RAP1A: variants seen among roughly 807,000 people sequenced by gnomAD.
The protein encoded by RAP1A is RAP1A, member of RAS oncogene family.
A neutral mutation model predicts 26.4 loss-of-function variants in RAP1A; 6 were observed. The observed-to-expected ratio is 0.23, with a 90% CI of 0.12 to 0.45. The LOEUF is 0.45. Ranked by LOEUF, RAP1A falls within the 20% of genes least tolerant of loss-of-function variation. The probability of loss-of-function intolerance (pLI) is 0.99; values close to 1 mark genes in which losing one functional copy is unlikely to be tolerated. For missense variants in RAP1A, 121 were observed against 217.2 expected, an observed-to-expected ratio of 0.56 and a Z score of 2.78; for synonymous variants, 73 against 79.4, an observed-to-expected ratio of 0.92 and a Z score of 0.43.
rs572395096 is a variant in RAP1A at position 111,612,242 on chromosome 1, C to T, written c.-28+69733C>T. Among the ~76,000 whole-genome samples, 88 of 152,188 alleles carry T rather than the reference C, an allele frequency of 5.8e-4. 2 individuals carry two copies. Among genetic ancestry groups the T allele is most frequent in the Non-Finnish European group, 1.0e-4 (7 of 68,046 alleles). ...ACTGGGCTCTCTCTCCAGTGGCCAG[C>T]TGTGTCTTGCCTGGTGCTCATCATT... is the stretch of plus-strand genomic sequence containing the variant. On this transcript the variant is annotated intron_variant, in intron 1 of 7. Coordinates refer to the RAP1A transcript ENST00000356415.
chr1:111,709,630 G>A (rs745568781), intron 7 of RAP1A, among the ~76,000 whole-genome samples: 7 of 152,012 alleles, frequency 4.6e-5, no homozygotes, highest in Non-Finnish European at 1.0e-4. Flanking sequence ...TGCACATTTG[G>A]TGAATTATCC....
At chr1:111,678,430 C>T (rs996591069) in intron 1 of RAP1A, among the ~76,000 whole-genome samples, 3 of 152,102 alleles carry the variant, frequency 2.0e-5, no homozygotes, top group African/African-American at 7.2e-5. Context: ...GAAATACAGT[C>T]ACATGTTGCT....
intron 1 of RAP1A, among the ~76,000 whole-genome samples, chr1:111,668,022 T>G (rs1660852806): frequency 6.6e-6 from 1 of 152,158 alleles, no homozygotes; most frequent in Non-Finnish European, 1.5e-5. Context: ...TCCTGCCAAC[T>G]CCGAGGAAAC....
chr1:111,688,808 G>GTTTTTTTTT (rs753016302), intron 1 of RAP1A, among the ~76,000 whole-genome samples: 1 of 124,178 alleles, frequency 8.1e-6, no homozygotes, highest in African/African-American at 2.8e-5. Context: ...TTTTGTTTTT[G>GTTTTTTTTT]TTTTTTTTTT....
At chr1:111,636,587 G>A (rs890258095) in intron 1 of RAP1A, among the ~76,000 whole-genome samples, 6 of 151,976 alleles carry the variant, frequency 3.9e-5, no homozygotes, top group Admixed American at 3.9e-4. Flanking sequence ...AGGTTCAAGG[G>A]ATTTTCCTGC....
upstream of RAP1A, chr1:111,542,141 A>G (rs1467186260): frequency 1.9e-5 from 6 of 311,882 alleles, no homozygotes; most frequent in Non-Finnish European, 3.3e-5. Context: ...ACAAAGAACT[A>G]TCATGTTTTT....
intron 1 of RAP1A, among the ~76,000 whole-genome samples, chr1:111,661,474 G>A (rs779041285): frequency 1.3e-5 from 2 of 152,136 alleles, no homozygotes; most frequent in Non-Finnish European, 2.9e-5. Flanking sequence ...TCTGTGGTCA[G>A]CAATTCATAA....
intron 3 of RAP1A, 31 bp downstream of exon 3, chr1:111,695,440 A>G (rs1216119769): frequency 7.0e-7 from 1 of 1,422,468 alleles, no homozygotes; most frequent in East Asian, 2.5e-5. Context: ...ACACATGCTT[A>G]CAAGTAGTTC....
intron 1 of RAP1A, among the ~76,000 whole-genome samples, chr1:111,590,349 C>G (rs1658447563): frequency 6.6e-6 from 1 of 152,150 alleles, no homozygotes; most frequent in Non-Finnish European, 1.5e-5. Context: ...TTATTCTTGA[C>G]TTAAAGAATG....
chr1:111,699,256 A>G lies in RAP1A; in HGVS notation c.183+1759A>G, dbSNP rs143254449. Among the ~76,000 whole-genome samples, 16 of 152,208 alleles carry G rather than the reference A, an allele frequency of 1.1e-4. No homozygotes were observed. The East Asian group carries it at 2.9e-3, about 28-fold the overall frequency. On this transcript the variant is annotated intron_variant, in intron 4 of 7. Coordinates refer to ENST00000369709, the MANE Select transcript of RAP1A (RefSeq NM_002884.4). Reference sequence around the variant, plus strand: ...AATTCTTAGTGATTTTACTATCCATATAGAATCTATATGGATATTATAAAT... The same window carrying G: ...AATTCTTAGTGATTTTACTATCCATGTAGAATCTATATGGATATTATAAAT...
intron 1 of RAP1A, among the ~76,000 whole-genome samples, chr1:111,642,162 G>A (rs941602099): frequency 1.3e-5 from 2 of 152,012 alleles, no homozygotes; most frequent in South Asian, 2.1e-4. Flanking sequence ...GGAGAATCAC[G>A]TGAACCCGGG....
At chr1:111,552,466 T>C (rs1657306673) in intron 1 of RAP1A, among the ~76,000 whole-genome samples, 2 of 152,206 alleles carry the variant, frequency 1.3e-5, no homozygotes, top group Admixed American at 1.3e-4. Context: ...TAGATTCTGA[T>C]CATTTTTGGC....
chr1:111,692,423 TAAG>T (rs1253064579), intron 2 of RAP1A, among the ~76,000 whole-genome samples: 5 of 152,210 alleles, frequency 3.3e-5, no homozygotes, highest in Non-Finnish European at 7.4e-5. Flanking sequence ...GTTAGGCATG[TAAG>T]TCAGTACCTC....
chr1:111,700,496 G>A (rs1315991091), intron 4 of RAP1A, among the ~76,000 whole-genome samples: 1 of 152,126 alleles, frequency 6.6e-6, no homozygotes. Flanking sequence ...CTATTCATGA[G>A]GGATCCACCT....
chr1:111,590,516 C>A (rs1287486684), intron 1 of RAP1A, among the ~76,000 whole-genome samples: 1 of 151,980 alleles, frequency 6.6e-6, no homozygotes, highest in Admixed American at 6.6e-5. Flanking sequence ...GTTTTCTCTG[C>A]ATCCATTAAA....
chr1:111,672,932 T>A (rs1432714105), intron 1 of RAP1A, among the ~76,000 whole-genome samples: 3 of 152,252 alleles, frequency 2.0e-5, no homozygotes, highest in African/African-American at 4.8e-5. Flanking sequence ...TTAGTTTACC[T>A]CTGGAAATGT....
At chr1:111,578,607 G>T (rs556287200) in intron 1 of RAP1A, among the ~76,000 whole-genome samples, 4 of 152,210 alleles carry the variant, frequency 2.6e-5, no homozygotes, top group South Asian at 4.2e-4. Flanking sequence ...AAAAAAAAAG[G>T]TTTTTTCCTA....
chr1:111,651,907 C>T (rs1349775428), intron 1 of RAP1A, among the ~76,000 whole-genome samples: 2 of 151,836 alleles, frequency 1.3e-5, no homozygotes, highest in Admixed American at 6.6e-5. Context: ...AGACCGTGCC[C>T]GGCTCCAAAT....
chr1:111,576,476 AG>A (rs1278139782), intron 1 of RAP1A, among the ~76,000 whole-genome samples: 6 of 152,250 alleles, frequency 3.9e-5, no homozygotes, highest in African/African-American at 1.2e-4. Flanking sequence ...GAAGGAAGAA[AG>A]GAAGACACTT....
Sources: allele counts gnomAD v4.1 joint callset (sites outside exome capture counted in the v4.1 genomes callset), GRCh38; gene constraint gnomAD v4.1.1; transcripts MANE v1.5; gene names NCBI Gene and HGNC (gene_info 2026-07-23, HGNC 2026-07-21).